RYR3: variants seen among roughly 807,000 people sequenced by gnomAD.
The protein encoded by RYR3 is ryanodine receptor 3.
In RYR3, 207 loss-of-function variants were observed where a neutral mutation model predicts 584.3. The observed-to-expected ratio is 0.35, with a 90% CI of 0.32 to 0.40. The LOEUF (loss-of-function observed/expected upper bound fraction) is 0.40. RYR3 is among the 10% of genes least tolerant of loss of function. The probability of loss-of-function intolerance (pLI) is 1.00; values close to 1 mark genes in which losing one functional copy is unlikely to be tolerated. For missense variants in RYR3, 5,616 were observed against 6,089.2 expected (o/e 0.92, Z 2.59); for synonymous variants, 2,416 against 2,248.5 (o/e 1.07, Z -2.11).
At chr15:33,524,026 CCA>C (rs1302795043) in intron 3 of RYR3, among the ~76,000 whole-genome samples, 1 of 152,094 alleles carries the variant, frequency 6.6e-6, no homozygotes, top group African/African-American at 2.4e-5. Context: ...GTAATCGTAC[CCA>C]CAAGCAACTG....
At chr15:33,568,556 G>A (rs2057844629) in intron 12 of RYR3, among the ~76,000 whole-genome samples, 1 of 151,694 alleles carries the variant, frequency 6.6e-6, no homozygotes, top group African/African-American at 2.4e-5. Context: ...TTAGCCTCTT[G>A]AGTAGCTGTG....
intron 75 of RYR3, among the ~76,000 whole-genome samples, chr15:33,818,287 A>G (rs1368385304): frequency 6.6e-6 from 1 of 152,140 alleles, no homozygotes; most frequent in Non-Finnish European, 1.5e-5. Flanking sequence ...GTCTGTAGCT[A>G]TTCCCTTTAT....
At chr15:33,355,010 C>G (rs1008705012) in intron 1 of RYR3, among the ~76,000 whole-genome samples, 1 of 151,950 alleles carries the variant, frequency 6.6e-6, no homozygotes, top group Non-Finnish European at 1.5e-5. Flanking sequence ...ATGGTGAAAC[C>G]CCGTCTCTAC....
intron 9 of RYR3, among the ~76,000 whole-genome samples, chr15:33,549,073 T>C (rs978078323): frequency 5.9e-5 from 9 of 152,112 alleles, no homozygotes; most frequent in Non-Finnish European, 1.2e-4. Flanking sequence ...GCACACGTTT[T>C]TTTTTTCTGA....
At position 33,696,252 on chromosome 15, in the gene RYR3, C is replaced by G. The variant is rs761538413; in HGVS notation, c.5895C>G (p.Ile1965Met). ...AGGAACTCATCTCACAGACGATGATCTGCTGGGCCCAGGAGGACCAGATCC... is the reference window on the plus strand; with the variant it reads ...AGGAACTCATCTCACAGACGATGATGTGCTGGGCCCAGGAGGACCAGATCC... ...TLKELISQTM[I>M]CWAQEDQIQD... Residue 1965 changes from isoleucine (I) to methionine (M), a missense_variant, in exon 39 of 104, where the codon ATC (isoleucine) becomes ATG (methionine). By Grantham distance (10) the Ile-to-Met change is conservative (BLOSUM62 1). Around this residue, in one of 9 missense-constraint regions of RYR3, gnomAD observed 1,280 missense variants for 1,426.2 expected, o/e 0.90. Coordinates refer to ENST00000634891, the MANE Select transcript of RYR3 (RefSeq NM_001036.6). 31 of 1,613,804 alleles carry G rather than the reference C, an allele frequency of 1.9e-5. No homozygotes were observed. The highest frequency in any genetic ancestry group is 2.5e-5 in the Non-Finnish European group (30 of 1,179,848).
chr15:33,339,766 G>A (rs913741673), intron 1 of RYR3, among the ~76,000 whole-genome samples: 2 of 151,834 alleles, frequency 1.3e-5, no homozygotes, highest in African/African-American at 2.4e-5. Flanking sequence ...GTGGGCGCCT[G>A]TAGTCCCAGC....
At chr15:33,792,473 G>A (rs2075220993) in intron 67 of RYR3, among the ~76,000 whole-genome samples, 3 of 152,108 alleles carry the variant, frequency 2.0e-5, no homozygotes, top group Non-Finnish European at 4.4e-5. Flanking sequence ...TCAGTCCCCT[G>A]GGGTGGTGGC....
chr15:33,634,890 G>A (rs747951724), intron 25 of RYR3, among the ~76,000 whole-genome samples, 157 bp downstream of exon 25: 24 of 152,004 alleles, frequency 1.6e-4, no homozygotes, highest in African/African-American at 4.8e-4. Context: ...TATTGTTATC[G>A]GGGAGACCAT....
At chr15:33,730,330 A>C (rs1454645198) in intron 47 of RYR3, among the ~76,000 whole-genome samples, 1 of 152,228 alleles carries the variant, frequency 6.6e-6, no homozygotes, top group Non-Finnish European at 1.5e-5. Context: ...AACACCATCT[A>C]CAACAAAAAG....
chr15:33,521,503 T>C (rs1451038689), intron 3 of RYR3, among the ~76,000 whole-genome samples: 1 of 152,168 alleles, frequency 6.6e-6, no homozygotes, highest in Non-Finnish European at 1.5e-5. Context: ...AATGGTAAAT[T>C]TGACATTCAG....
At position 33,865,519 on chromosome 15, in the gene RYR3, T is replaced by C. The variant is rs888600623; in HGVS notation, c.*293T>C. 2 of 337,502 alleles carry C rather than the reference T, an allele frequency of 5.9e-6. No homozygotes were observed. The highest frequency in any genetic ancestry group is 2.1e-5 in the African/African-American group (1 of 47,880). The allele number at this position is 337,502 out of a possible 1,614,324, so 20.9% of individuals were successfully genotyped here. On this transcript the variant is annotated 3_prime_UTR_variant, in exon 104 of 104. Transcript: ENST00000634891. Reference sequence around the variant, plus strand: ...GTTCTGAGGTAACTAGTTCAGTTTGTTGGGATGGAAGCATGAAGGAAAGGG... The same window carrying C: ...GTTCTGAGGTAACTAGTTCAGTTTGCTGGGATGGAAGCATGAAGGAAAGGG...
Position 33,821,291 on chromosome 15 carries a change from A to C in RYR3, c.10837A>C (p.Lys3613Gln). The change falls in exon 79 of 104, where the codon AAA becomes CAA. Residue 3613 changes from lysine (K) to glutamine (Q), a missense_variant. By Grantham distance (53) the Lys-to-Gln change is moderately conservative. Coordinates refer to ENST00000634891, the MANE Select transcript of RYR3 (RefSeq NM_001036.6). ...CCAGGAGAAAGAGATGGAGAAGCAAAAAACCCTCTATCAGCAAGCTCGGCT... is the reference window on the plus strand; with the variant it reads ...CCAGGAGAAAGAGATGGAGAAGCAACAAACCCTCTATCAGCAAGCTCGGCT... ...TFEEKEMEKQKTLYQQARLHE... is the reference protein window; with the variant it reads ...TFEEKEMEKQQTLYQQARLHE... 1 of 1,599,486 alleles carries C rather than the reference A, an allele frequency of 6.3e-7. No individual in the cohort carries two copies. The highest frequency in any genetic ancestry group is 8.5e-7 in the Non-Finnish European group (1 of 1,173,158).
Position 33,763,892 on chromosome 15 carries a change from C to CAAAAACAAA in RYR3, c.8706-4761_8706-4760insCAAAAAAAA, listed in dbSNP as rs1555447212. Among the ~76,000 whole-genome samples the CAAAAACAAA allele has an allele frequency of 9.7e-3, 445 of 45,872 alleles. 9 individuals carry two copies. Among genetic ancestry groups the CAAAAACAAA allele is most frequent in the African/African-American group, 0.037 (411 of 11,104 alleles). The allele number at this position is 45,872 out of a possible 152,430, so 30.1% of individuals were successfully genotyped here. ...TGAGTGACAGAGCGAGACTTCATCT[C>CAAAAACAAA]AAAAAAAAAAAAAAAAAAAAAAAAT... On this transcript the variant is annotated intron_variant, in intron 60 of 103. Transcript: ENST00000634891.
intron 19 of RYR3, among the ~76,000 whole-genome samples, chr15:33,618,268 G>A (rs530257939): frequency 1.3e-5 from 2 of 152,218 alleles, no homozygotes; most frequent in South Asian, 4.1e-4. Flanking sequence ...TCTTTTGCCA[G>A]CTCTAATTTA....
intron 10 of RYR3, among the ~76,000 whole-genome samples, chr15:33,554,576 G>A (rs4780124): frequency 0.86 from 131,583 of 152,174 alleles, 57,495 homozygotes; most frequent in Middle Eastern, 0.98. Context: ...GATTACAGGC[G>A]TGAGCCACTG....
intron 1 of RYR3, among the ~76,000 whole-genome samples, chr15:33,432,566 T>A (rs1567223979): frequency 6.6e-6 from 1 of 151,950 alleles, no homozygotes; most frequent in Non-Finnish European, 1.5e-5. Flanking sequence ...GAGACCCACT[T>A]AAATTTCATT....
chr15:33,766,016 C>T (rs1237939888), intron 60 of RYR3, among the ~76,000 whole-genome samples: 6 of 152,124 alleles, frequency 3.9e-5, no homozygotes, highest in Non-Finnish European at 8.8e-5. Flanking sequence ...TGCGGTGGCT[C>T]ACGCTTGTAA....
At chr15:33,399,061 A>G (rs2042468355) in intron 1 of RYR3, among the ~76,000 whole-genome samples, 2 of 152,104 alleles carry the variant, frequency 1.3e-5, no homozygotes, top group African/African-American at 4.8e-5. Context: ...GAGGACCAAG[A>G]CTCCTAATAG....
chr15:33,726,272 CAT>C, intron 45 of RYR3, 112 bp from the exon 46 acceptor site: 2 of 1,151,656 alleles, frequency 1.7e-6, no homozygotes, highest in Non-Finnish European at 2.5e-6. Flanking sequence ...ATTAGGGAAA[CAT>C]AGAAATGGAC....
Sources: gnomAD v4.1 joint callset for allele counts (sites outside exome capture counted in the v4.1 genomes callset) on GRCh38, gnomAD v4.1.1 for gene constraint, gnomAD v4.1.1 regional missense constraint, MANE v1.5 for transcripts, NCBI Gene and HGNC (gene_info 2026-07-23, HGNC 2026-07-21) for gene names.